Variants in SYT1 observed in about 807,000 individuals in gnomAD.
SYT1 encodes synaptotagmin 1.
SYT1 carries 8 observed loss-of-function variants against 44.8 expected under a neutral mutation model. The ratio of observed to expected loss-of-function variants is 0.18; its 90% CI spans 0.10 to 0.32. The LOEUF is 0.32. SYT1 is among the 10% of genes least tolerant of loss of function. The probability of loss-of-function intolerance (pLI) is 1.00; values close to 1 mark genes in which losing one functional copy is unlikely to be tolerated. For synonymous variants in SYT1, 154 were observed against 188.8 expected (o/e 0.82, Z 1.51); for missense variants, 286 against 509.3 (o/e 0.56, Z 4.22).
At chr12:79,399,207 A>G (rs1233734318) in intron 9 of SYT1, among the ~76,000 whole-genome samples, 1 of 152,030 alleles carries the variant, frequency 6.6e-6, no homozygotes, top group Non-Finnish European at 1.5e-5. Context: ...GTTCTTTTCA[A>G]GTTTTAAAAG....
In SYT1 at chr12:79,085,598, C is replaced by T. The variant is rs529883643; in HGVS notation, c.-18+38236C>T. Among the ~76,000 whole-genome samples, 17 of 152,194 alleles carry T rather than the reference C, an allele frequency of 1.1e-4. No individual in the cohort carries two copies. In the East Asian group the frequency reaches 3.1e-3, roughly 28 times the overall value. On this transcript the variant is annotated intron_variant, in intron 3 of 10. Coordinates refer to ENST00000261205, the MANE Select transcript of SYT1 (RefSeq NM_005639.3). ...TCACAATGGCATAGAAAGATGTAAC[C>T]AAAGTCTAGGGAATTGGGTCCTAAT... is the stretch of plus-strand genomic sequence containing the variant.
At chr12:79,056,974 A>G in intron 3 of SYT1, among the ~76,000 whole-genome samples, 1 of 152,038 alleles carries the variant, frequency 6.6e-6, no homozygotes, top group East Asian at 1.9e-4. Flanking sequence ...TTACAGTCTG[A>G]CATGGGCTAT....
chr12:78,921,452 T>C (rs562953659), intron 1 of SYT1, among the ~76,000 whole-genome samples: 58 of 152,146 alleles, frequency 3.8e-4, no homozygotes, highest in Middle Eastern at 6.8e-3. Context: ...GGAGAGACTT[T>C]AATATTCTTA....
intron 1 of SYT1, among the ~76,000 whole-genome samples, chr12:78,918,496 G>A (rs1210873149): frequency 6.6e-6 from 1 of 152,080 alleles, no homozygotes; most frequent in African/African-American, 2.4e-5. Context: ...GGGTATATGA[G>A]CTGGTTACAT....
chr12:79,395,284 T>A (rs529671753), intron 9 of SYT1, among the ~76,000 whole-genome samples: 1 of 152,296 alleles, frequency 6.6e-6, no homozygotes, highest in East Asian at 1.9e-4. Context: ...AGTGGCGCAA[T>A]CTCAGCTCAC....
intron 3 of SYT1, among the ~76,000 whole-genome samples, chr12:79,204,211 A>T (rs1592850383): frequency 6.6e-6 from 1 of 152,226 alleles, no homozygotes; most frequent in East Asian, 1.9e-4. Flanking sequence ...TGTCTAGGTA[A>T]TAGTATAGCT....
At chr12:79,222,016 C>T (rs1247740226) in intron 4 of SYT1, among the ~76,000 whole-genome samples, 1 of 152,058 alleles carries the variant, frequency 6.6e-6, no homozygotes, top group East Asian at 1.9e-4. Context: ...TTTTGTTTGT[C>T]TAGGAAAGCC....
At chr12:79,258,387 TA>T (rs35902693) in intron 4 of SYT1, among the ~76,000 whole-genome samples, 104,253 of 151,994 alleles carry the variant, frequency 0.69, 36,094 homozygotes, top group Admixed American at 0.72. Flanking sequence ...ATCACTTTTG[TA>T]AACTGAGAGT....
At chr12:78,888,448 C>T (rs774586539) in intron 1 of SYT1, among the ~76,000 whole-genome samples, 4 of 151,886 alleles carry the variant, frequency 2.6e-5, no homozygotes, top group African/African-American at 4.8e-5. Flanking sequence ...AGTTGTAAGA[C>T]ATTTTATGCA....
chr12:79,419,200 C>T (rs968168832), intron 9 of SYT1: 7 of 491,476 alleles, frequency 1.4e-5, no homozygotes, highest in Admixed American at 2.2e-5. Flanking sequence ...TTTCTACTCA[C>T]ATTTCCCATC....
intron 2 of SYT1, among the ~76,000 whole-genome samples, chr12:79,013,139 G>C (rs1173050518): frequency 2.6e-5 from 4 of 152,022 alleles, no homozygotes; most frequent in African/African-American, 9.7e-5. Flanking sequence ...TTTCTATCTT[G>C]TAGAGTGCAC....
chr12:79,308,653 A>T (rs1014286358), intron 8 of SYT1, among the ~76,000 whole-genome samples: 1 of 145,232 alleles, frequency 6.9e-6, no homozygotes, highest in Non-Finnish European at 1.5e-5. Flanking sequence ...AGAAAGAAAG[A>T]AAGAAAAGAG....
At chr12:79,266,696 A>G (rs968123741) in intron 4 of SYT1, among the ~76,000 whole-genome samples, 1 of 152,228 alleles carries the variant, frequency 6.6e-6, no homozygotes, top group Non-Finnish European at 1.5e-5. Flanking sequence ...GCCAGGAAAC[A>G]AAAAGAAAAA....
At chr12:79,182,477 A>C (rs966595126) in intron 3 of SYT1, among the ~76,000 whole-genome samples, 2 of 152,112 alleles carry the variant, frequency 1.3e-5, no homozygotes, top group African/African-American at 4.8e-5. Flanking sequence ...ACCATCCATG[A>C]GAATATACCT....
chr12:79,257,709 G>C (rs1159828746), intron 4 of SYT1, among the ~76,000 whole-genome samples: 1 of 152,108 alleles, frequency 6.6e-6, no homozygotes, highest in Non-Finnish European at 1.5e-5. Flanking sequence ...GGATGATCTC[G>C]ATCTCTTGAC....
At chr12:79,328,862 A>G (rs1013101809) in intron 8 of SYT1, among the ~76,000 whole-genome samples, 6 of 151,638 alleles carry the variant, frequency 4.0e-5, no homozygotes, top group Non-Finnish European at 8.8e-5. Context: ...AAAAAAAAAA[A>G]TTACTCACAA....
chr12:79,309,287 G>C (rs1282725030), intron 8 of SYT1, among the ~76,000 whole-genome samples: 2 of 152,210 alleles, frequency 1.3e-5, no homozygotes. Context: ...TTTTCTTACT[G>C]ATAGCAGTTA....
chr12:79,345,267 G>A (rs561835565), intron 8 of SYT1, among the ~76,000 whole-genome samples: 9 of 152,264 alleles, frequency 5.9e-5, no homozygotes, highest in Non-Finnish European at 1.0e-4. Context: ...GGGGTGGCTT[G>A]CAGAAATTTA....
chr12:79,328,885 A>G (rs944530229), intron 8 of SYT1, among the ~76,000 whole-genome samples: 2 of 151,924 alleles, frequency 1.3e-5, no homozygotes, highest in Non-Finnish European at 2.9e-5. Context: ...AAATCATAAA[A>G]CCATGTTTTT....
Sources: allele counts gnomAD v4.1 joint callset (sites outside exome capture counted in the v4.1 genomes callset), GRCh38; gene constraint gnomAD v4.1.1; transcripts MANE v1.5; gene names NCBI Gene and HGNC (gene_info 2026-07-23, HGNC 2026-07-21).